The following ZNF492 variants were observed in gnomAD, a reference collection of about 807,000 sequenced individuals.
ZNF492 encodes zinc finger protein 115 (Y20).
In ZNF492, 3 loss-of-function variants were observed where a neutral mutation model predicts 6.4. The ratio of observed to expected loss-of-function variants is 0.47; its 90% CI spans 0.21 to 1.22. The LOEUF (loss-of-function observed/expected upper bound fraction) is 1.22. Ranked by LOEUF, ZNF492 falls within the 50% of genes most tolerant of loss-of-function variation. The pLI is 0.22. For synonymous variants in ZNF492, 112 were observed against 205.3 expected (o/e 0.55, Z 3.89); for missense variants, 356 against 612.5 (o/e 0.58, Z 4.42).
rs558010565 is a variant in ZNF492, at chr19:22,659,810, T to C, written c.131-3990T>C. Among the ~76,000 whole-genome samples the C allele has an allele frequency of 1.8e-4, 28 of 151,370 alleles. 1 individual carries two copies. Among genetic ancestry groups the C allele is most frequent in the Non-Finnish European group, 3.5e-4 (24 of 67,856 alleles). ...CCTCCCGAGTAGCTAGGATTACAGG[T>C]GCCCACCACCATGCCCGGCTAATTT... On this transcript the variant is annotated intron_variant, in intron 3 of 3. Coordinates refer to ENST00000456783, the MANE Select transcript of ZNF492 (RefSeq NM_020855.3).
In ZNF492 at chr19:22,667,402, T is replaced by A. The variant is rs992533493; in HGVS notation, c.*2137T>A. On this transcript the variant is annotated 3_prime_UTR_variant, in exon 4 of 4. Coordinates refer to ENST00000456783, the MANE Select transcript of ZNF492 (RefSeq NM_020855.3). The stretch of plus-strand genomic sequence containing the variant: ...TTTTTCCCATTTAAATTTACTTTTG[T>A]TAGTTTTTTCAGGCATATAATATTT... 5.3e-5 allele frequency: 8 copies of A among 152,130 alleles called. No homozygotes were observed. Among genetic ancestry groups the A allele is most frequent in the African/African-American group, 1.9e-4 (8 of 41,454 alleles). The allele number at this position is 152,130 out of a possible 1,614,324, so 9.4% of individuals were successfully genotyped here. A position where few individuals can be genotyped will look rare whatever the true frequency, so the allele number is the denominator to read the frequency against.
chr19:22,636,036 T>G lies in ZNF492; in HGVS notation c.-94+1562T>G, dbSNP rs747393638. 3.3e-5 allele frequency among the ~76,000 whole-genome samples: 5 copies of G among 152,144 alleles called. 1 individual carries two copies. Among genetic ancestry groups the G allele is most frequent in the Non-Finnish European group, 5.9e-5 (4 of 68,018 alleles). ...TGTCCTCCCATTCTCCAACCTCAACTAGGCCTCACTGTCTGTTGTTCCCTC... is the reference window on the plus strand; with the variant it reads ...TGTCCTCCCATTCTCCAACCTCAACGAGGCCTCACTGTCTGTTGTTCCCTC... On this transcript the variant is annotated intron_variant, in intron 1 of 3. Transcript: ENST00000456783.
At position 22,667,396 on chromosome 19, in the gene ZNF492, CTT is replaced by C. The variant is rs1318956406; in HGVS notation, c.*2134_*2135del. The C allele has an allele frequency of 1.3e-5, 2 of 151,612 alleles. No individual in the cohort carries two copies. Among genetic ancestry groups the C allele is most frequent in the Non-Finnish European group, 2.9e-5 (2 of 67,946 alleles). The allele number at this position is 151,612 out of a possible 1,614,324, so 9.4% of individuals were successfully genotyped here. A position where few individuals can be genotyped will look rare whatever the true frequency, so the allele number is the denominator to read the frequency against. ...ATTTATTTTTTCCCATTTAAATTTA[CTT>C]TTGTTAGTTTTTTCAGGCATATAAT... On this transcript the variant is annotated 3_prime_UTR_variant, in exon 4 of 4. Coordinates refer to ENST00000456783, the MANE Select transcript of ZNF492 (RefSeq NM_020855.3).
In ZNF492 at chr19:22,665,855, T is replaced by G. The variant is rs549227635; in HGVS notation, c.*590T>G. 6.5e-6 allele frequency: 1 copy of G among 152,750 alleles called. No individual in the cohort carries two copies. Among genetic ancestry groups the G allele is most frequent in the Non-Finnish European group, 1.5e-5 (1 of 68,382 alleles). The allele number at this position is 152,750 out of a possible 1,614,324, so 9.5% of individuals were successfully genotyped here. ...AAAAATATTTAATTCAATGGTAAGT[T>G]TATGTAAATATCAGAGAATTTATGT... On this transcript the variant is annotated 3_prime_UTR_variant, in exon 4 of 4. Coordinates refer to ENST00000456783, the MANE Select transcript of ZNF492 (RefSeq NM_020855.3).
intron 1 of ZNF492, among the ~76,000 whole-genome samples, chr19:22,647,282 G>GTTT (rs1971889427): frequency 7.0e-6 from 1 of 143,538 alleles, no homozygotes; most frequent in African/African-American, 2.6e-5. Context: ...TTTAGGCAGA[G>GTTT]TTTCATTCTT....
chr19:22,647,791 G>A (rs150594377), intron 1 of ZNF492, among the ~76,000 whole-genome samples: 9,430 of 139,468 alleles, frequency 0.068, 1,262 homozygotes, highest in African/African-American at 0.25. Context: ...GTCCAGTGGC[G>A]TGATCTTGGC....
In ZNF492 at chr19:22,634,379, T is replaced by C. The variant is rs1971738206; in HGVS notation, c.-189T>C. On this transcript the variant is annotated 5_prime_UTR_variant, in exon 1 of 4. Coordinates refer to ENST00000456783, the MANE Select transcript of ZNF492 (RefSeq NM_020855.3). ...GTCTAGTGTTCGCTGTTCTGCGTCCTCTGGTCCTAGAGGCCCATCCTCTGT... is the reference window on the plus strand; with the variant it reads ...GTCTAGTGTTCGCTGTTCTGCGTCCCCTGGTCCTAGAGGCCCATCCTCTGT... The C allele has an allele frequency of 5.7e-6, 7 of 1,228,280 alleles. No individual in the cohort carries two copies. The South Asian group carries it at 6.0e-5, about 10-fold the overall frequency. The allele number at this position is 1,228,280 out of a possible 1,614,324, so 76.1% of individuals were successfully genotyped here. A position where few individuals can be genotyped will look rare whatever the true frequency, so the allele number is the denominator to read the frequency against.
intron 1 of ZNF492, among the ~76,000 whole-genome samples, chr19:22,646,746 A>G (rs1479545290): frequency 1.3e-5 from 2 of 152,216 alleles, no homozygotes; most frequent in Non-Finnish European, 2.9e-5. Context: ...AATTTTATCA[A>G]AGGCCATTTC....
intron 1 of ZNF492, among the ~76,000 whole-genome samples, chr19:22,640,764 G>T (rs1418138578): frequency 1.3e-5 from 2 of 152,010 alleles, no homozygotes; most frequent in African/African-American, 4.8e-5. Context: ...TATTTTGGTT[G>T]GTAGGCTATT....
intron 1 of ZNF492, among the ~76,000 whole-genome samples, chr19:22,636,514 CTG>C (rs141601969): frequency 0.065 from 9,571 of 147,038 alleles, 336 homozygotes; most frequent in Non-Finnish European, 0.085. Context: ...ACATGATCTT[CTG>C]TGTGTGTGTG....
intron 1 of ZNF492, among the ~76,000 whole-genome samples, chr19:22,644,893 G>A (rs1261341971): frequency 1.3e-5 from 2 of 152,142 alleles, no homozygotes; most frequent in African/African-American, 4.8e-5. Context: ...AGCATCTATT[G>A]TTTCTGACTT....
At chr19:22,654,934 A>AT (rs1421396852) in intron 3 of ZNF492, among the ~76,000 whole-genome samples, 2 of 151,256 alleles carry the variant, frequency 1.3e-5, no homozygotes, top group East Asian at 2.0e-4. Flanking sequence ...TAAAAAAAAA[A>AT]TACTGGAATT....
intron 1 of ZNF492, among the ~76,000 whole-genome samples, chr19:22,646,020 A>G (rs1007565061): frequency 3.3e-5 from 5 of 152,116 alleles, no homozygotes; most frequent in African/African-American, 1.2e-4. Context: ...TTTTGGTTCC[A>G]TATGAAATTT....
chr19:22,666,160 A>C lies in ZNF492; in HGVS notation c.*895A>C, dbSNP rs1478554511. The C allele has an allele frequency of 6.7e-6, 1 of 149,200 alleles. No homozygotes were observed. Among genetic ancestry groups the C allele is most frequent in the East Asian group, 1.9e-4 (1 of 5,156 alleles). 9.2% of individuals were successfully genotyped at this position (149,200 alleles called of 1,614,324 possible). A position where few individuals can be genotyped will look rare whatever the true frequency, so the allele number is the denominator to read the frequency against. On this transcript the variant is annotated 3_prime_UTR_variant, in exon 4 of 4. Coordinates refer to ENST00000456783, the MANE Select transcript of ZNF492 (RefSeq NM_020855.3). ...ATTAACTCTCAAATTACTTCATGCTAAGGAAATTAGTTTTTCTTTTTCTTC... is the reference window on the plus strand; with the variant it reads ...ATTAACTCTCAAATTACTTCATGCTCAGGAAATTAGTTTTTCTTTTTCTTC...
intron 1 of ZNF492, among the ~76,000 whole-genome samples, chr19:22,649,975 T>C (rs1467895873): frequency 6.6e-6 from 1 of 152,206 alleles, no homozygotes; most frequent in Non-Finnish European, 1.5e-5. Flanking sequence ...TCCATCCAGT[T>C]CTGCACCCTT....
intron 1 of ZNF492, among the ~76,000 whole-genome samples, chr19:22,651,843 T>TCAAAAA (rs1196900087): frequency 1.4e-5 from 2 of 138,030 alleles, no homozygotes; most frequent in Non-Finnish European, 3.1e-5. Context: ...CGCAGAAAGT[T>TCAAAAA]TAAAAATAAT....
At chr19:22,642,606 G>T (rs1568352498) in intron 1 of ZNF492, among the ~76,000 whole-genome samples, 1 of 151,708 alleles carries the variant, frequency 6.6e-6, no homozygotes, top group South Asian at 2.1e-4. Context: ...AGCCAGGATG[G>T]TCTCCATCTC....
At chr19:22,656,159 A>C (rs1378542244) in intron 3 of ZNF492, among the ~76,000 whole-genome samples, 1 of 145,918 alleles carries the variant, frequency 6.9e-6, no homozygotes, top group Non-Finnish European at 1.5e-5. Context: ...CAGAAAGTGA[A>C]GATCTTTTGT....
intron 1 of ZNF492, among the ~76,000 whole-genome samples, chr19:22,644,691 G>A (rs527551685): frequency 5.5e-4 from 83 of 152,214 alleles, no homozygotes; most frequent in African/African-American, 1.9e-3. Flanking sequence ...GTAAACATAC[G>A]TGTGCATGTG....
Sources: gnomAD v4.1 joint callset for allele counts (sites outside exome capture counted in the v4.1 genomes callset) on GRCh38, gnomAD v4.1.1 for gene constraint, MANE v1.5 for transcripts, NCBI Gene and HGNC (gene_info 2026-07-23, HGNC 2026-07-21) for gene names.